Variants in TRAPPC9 observed in about 807,000 individuals in gnomAD.
TRAPPC9 encodes IKK2 binding protein.
TRAPPC9 carries 83 observed loss-of-function variants against 124.0 expected under a neutral mutation model. The ratio of observed to expected loss-of-function variants is 0.67; its 90% CI spans 0.56 to 0.80. TRAPPC9 has a LOEUF of 0.80. Among genes scored for constraint, TRAPPC9 ranks in the 30% least tolerant of loss-of-function variants. The pLI, the probability that TRAPPC9 is intolerant of heterozygous loss-of-function variation, is 0.00. For synonymous variants in TRAPPC9, 638 were observed against 617.5 expected (o/e 1.03, Z -0.49); for missense variants, 1,302 against 1,508.3 (o/e 0.86, Z 2.27).
chr8:140,232,864 A>T (rs932794271), intron 16 of TRAPPC9, among the ~76,000 whole-genome samples: 1 of 152,252 alleles, frequency 6.6e-6, no homozygotes, highest in African/African-American at 2.4e-5. Context: ...AGATTAAAGT[A>T]GAAGGCCTAT....
chr8:140,341,766 G>A (rs904394230), intron 9 of TRAPPC9, among the ~76,000 whole-genome samples: 3 of 152,178 alleles, frequency 2.0e-5, no homozygotes, highest in East Asian at 1.9e-4. Flanking sequence ...CACGGAGCAC[G>A]GGAAGGGGGG....
At chr8:140,078,767 A>C (rs1843649958) in intron 17 of TRAPPC9, among the ~76,000 whole-genome samples, 1 of 152,006 alleles carries the variant, frequency 6.6e-6, no homozygotes, top group African/African-American at 2.4e-5. Flanking sequence ...AGAGGTCTGC[A>C]CTCTAACACC....
At chr8:140,266,909 C>G (rs1326117794) in intron 15 of TRAPPC9, among the ~76,000 whole-genome samples, 2 of 152,096 alleles carry the variant, frequency 1.3e-5, no homozygotes, top group Admixed American at 1.3e-4. Context: ...AATTTGTGAA[C>G]ACAGGGACAC....
In TRAPPC9 at chr8:140,391,113, GA is replaced by G. The variant is rs557352996; in HGVS notation, c.1134+6506del. Among the ~76,000 whole-genome samples, 694 of 152,322 alleles carry G rather than the reference GA, an allele frequency of 4.6e-3. 8 individuals are homozygous for G. Among genetic ancestry groups the G allele is most frequent in the African/African-American group, 0.016 (655 of 41,576 alleles). On this transcript the variant is annotated intron_variant, in intron 7 of 22. Coordinates refer to ENST00000438773, the MANE Select transcript of TRAPPC9 (RefSeq NM_001160372.4). ...AAGGAACTGCATCAAAAATTTTAAA[GA>G]GGCTATTCTTACATCTGAACAGAGT...
chr8:139,856,734 C>G (rs1456729618), intron 21 of TRAPPC9, among the ~76,000 whole-genome samples: 2 of 128,604 alleles, frequency 1.6e-5, no homozygotes, highest in African/African-American at 3.0e-5. Flanking sequence ...CCAGCACCTG[C>G]AAAAAAAAAA....
intron 17 of TRAPPC9, among the ~76,000 whole-genome samples, chr8:140,048,918 A>G (rs745507604): frequency 1.2e-4 from 18 of 152,192 alleles, no homozygotes; most frequent in Non-Finnish European, 2.1e-4. Flanking sequence ...AGGTGTCATT[A>G]ATCTTTATAC....
rs143864608 is a variant in TRAPPC9 at position 140,254,590 on chromosome 8, C to T, written c.2279-1661G>A. Among the ~76,000 whole-genome samples the T allele has an allele frequency of 5.8e-3, 878 of 152,306 alleles. 29 individuals carry two copies. Among genetic ancestry groups the T allele is most frequent in the Admixed American group, 0.05 (764 of 15,306 alleles). ...CACAGGGGACAGGAAGCCATGAGCA[C>T]GGGGCCCTCCTCCTCCCAGGAAGGG... On this transcript the variant is annotated intron_variant, in intron 15 of 22. Coordinates refer to ENST00000438773, the MANE Select transcript of TRAPPC9 (RefSeq NM_001160372.4).
chr8:140,398,636 G>A (rs1387097036), intron 6 of TRAPPC9, among the ~76,000 whole-genome samples: 1 of 152,196 alleles, frequency 6.6e-6, no homozygotes, highest in Admixed American at 6.5e-5. Flanking sequence ...ATATCTGGCA[G>A]AAGAAATTTC....
chr8:139,884,667 T>C (rs938567812), intron 21 of TRAPPC9, among the ~76,000 whole-genome samples: 1 of 152,138 alleles, frequency 6.6e-6, no homozygotes, highest in African/African-American at 2.4e-5. Context: ...CATCAGGAGA[T>C]AGATAGGACA....
intron 19 of TRAPPC9, among the ~76,000 whole-genome samples, chr8:139,917,664 C>T (rs983399906): frequency 6.6e-6 from 1 of 152,222 alleles, no homozygotes; most frequent in East Asian, 1.9e-4. Context: ...CCTCCATCTT[C>T]GCAGCAGCCC....
intron 16 of TRAPPC9, among the ~76,000 whole-genome samples, chr8:140,223,356 A>G (rs2063380300): frequency 6.6e-6 from 1 of 152,234 alleles, no homozygotes; most frequent in Admixed American, 6.5e-5. Flanking sequence ...ACCTGCTCGC[A>G]GTCATACTGG....
intron 18 of TRAPPC9, among the ~76,000 whole-genome samples, chr8:139,996,133 A>AC (rs1324792028): frequency 8.6e-6 from 1 of 116,092 alleles, no homozygotes; most frequent in Non-Finnish European, 1.7e-5. Flanking sequence ...AAAAGAAGAT[A>AC]AAAAAAGAAC....
Position 140,347,091 on chromosome 8 carries a change from A to G in TRAPPC9, c.1495+12959T>C, listed in dbSNP as rs560437456. 1.1e-4 allele frequency among the ~76,000 whole-genome samples: 16 copies of G among 152,306 alleles called. No individual in the cohort carries two copies. The East Asian group carries it at 2.7e-3, about 26-fold the overall frequency. On this transcript the variant is annotated intron_variant, in intron 9 of 22. Transcript: ENST00000438773. ...TCCTCCAGCTCTGGGCCAGGCACGC[A>G]TGTTTAGCACGGCCGCAAAGGGCAC...
intron 17 of TRAPPC9, among the ~76,000 whole-genome samples, chr8:140,204,752 G>A (rs1160230043): frequency 5.9e-5 from 9 of 152,188 alleles, no homozygotes; most frequent in Non-Finnish European, 8.8e-5. Flanking sequence ...GCTGGCACCA[G>A]GCTTCCTTGC....
At chr8:140,261,395 C>T (rs1246139727) in intron 15 of TRAPPC9, among the ~76,000 whole-genome samples, 1 of 152,194 alleles carries the variant, frequency 6.6e-6, no homozygotes, top group Non-Finnish European at 1.5e-5. Context: ...ATCGGGGCTA[C>T]AGGAGAAGCC....
intron 19 of TRAPPC9, among the ~76,000 whole-genome samples, chr8:139,918,776 A>G (rs948434134): frequency 1.3e-5 from 2 of 152,220 alleles, no homozygotes; most frequent in Admixed American, 6.5e-5. Flanking sequence ...GTGCTTAATA[A>G]AATGGAATTC....
chr8:140,014,718 C>T (rs1173190288), intron 18 of TRAPPC9, among the ~76,000 whole-genome samples: 1 of 152,178 alleles, frequency 6.6e-6, no homozygotes, highest in Non-Finnish European at 1.5e-5. Context: ...TGGCAGCAAG[C>T]TTTGGTCTGG....
intron 21 of TRAPPC9, among the ~76,000 whole-genome samples, chr8:139,885,113 T>C (rs965653927): frequency 3.3e-5 from 5 of 152,232 alleles, no homozygotes; most frequent in Non-Finnish European, 5.9e-5. Context: ...AAAGGGGATA[T>C]GTATGCTTGC....
At chr8:140,041,408 A>G (rs1175488897) in intron 17 of TRAPPC9, among the ~76,000 whole-genome samples, 4 of 152,238 alleles carry the variant, frequency 2.6e-5, no homozygotes, top group Non-Finnish European at 5.9e-5. Context: ...CCCTCCCAAC[A>G]TCAAAGATTA....
Sources: gnomAD v4.1 joint callset for allele counts (sites outside exome capture counted in the v4.1 genomes callset) on GRCh38, gnomAD v4.1.1 for gene constraint, MANE v1.5 for transcripts, NCBI Gene and HGNC (gene_info 2026-07-23, HGNC 2026-07-21) for gene names.